The following FLNB variants were observed in gnomAD, a reference collection of about 807,000 sequenced individuals.
FLNB encodes filamin B, also known as filamin-B.
FLNB carries 111 observed loss-of-function variants against 250.6 expected under a neutral mutation model. The ratio of observed to expected loss-of-function variants is 0.44; its 90% CI spans 0.38 to 0.52. FLNB has a LOEUF of 0.52. FLNB is among the 20% of genes least tolerant of loss of function. FLNB has a pLI of 0.00. For missense variants in FLNB, 2,869 were observed against 3,447.8 expected (o/e 0.83, Z 4.20); for synonymous variants, 1,302 against 1,372.1 (o/e 0.95, Z 1.13).
At chr3:58,165,754 A>AAT (rs1269558607) in intron 43 of FLNB, 1 of 152,112 alleles carries the variant, frequency 6.6e-6, no homozygotes, top group Non-Finnish European at 1.5e-5. Flanking sequence ...TCCTAATGAA[A>AAT]TGGTCCAGGA....
At chr3:58,104,121 G>A (rs761089849) in intron 10 of FLNB, 36 bp downstream of exon 10, 1 of 1,612,146 alleles carries the variant, frequency 6.2e-7, no homozygotes, top group African/African-American at 1.3e-5. Context: ...TTCTCTGGAG[G>A]GTGCTCGGCC....
At chr3:58,051,372 C>G (rs533265136) in intron 1 of FLNB, among the ~76,000 whole-genome samples, 1 of 152,168 alleles carries the variant, frequency 6.6e-6, no homozygotes, top group Non-Finnish European at 1.5e-5. Flanking sequence ...ACAAGTGGCC[C>G]GCATGTCTGC....
intron 42 of FLNB, among the ~76,000 whole-genome samples, chr3:58,161,804 C>A (rs1249439344): frequency 6.6e-6 from 1 of 152,170 alleles, no homozygotes; most frequent in Non-Finnish European, 1.5e-5. Flanking sequence ...GGCAGGATGG[C>A]TGCAGCAGCA....
Position 58,112,210 on chromosome 3 carries a change from G to T in FLNB, c.2637G>T (p.Pro879=), listed in dbSNP as rs149334776. ...ACACCAAGGGGGCTGGGAAAGCCCC[G>T]CTCAACGTGCAGTTCAACAGCCCTC... ...TVYTKGAGKA[P]LNVQFNSPLP... Residue 879 remains proline, a synonymous_variant, in exon 18 of 46, where the codon CCG becomes CCT. Transcript: ENST00000295956. 5.6e-6 allele frequency: 9 copies of T among 1,614,040 alleles called. No homozygotes were observed. In the East Asian group the frequency reaches 1.6e-4, roughly 28 times the overall value.
intron 1 of FLNB, among the ~76,000 whole-genome samples, chr3:58,050,934 C>T (rs566187783): frequency 2.0e-4 from 30 of 152,356 alleles, no homozygotes; most frequent in African/African-American, 6.3e-4. Flanking sequence ...TTGGGATGCT[C>T]AGGTAACTCA....
chr3:58,169,477 G>A lies in FLNB; in HGVS notation c.7418-113G>A. The A allele has an allele frequency of 3.6e-6, 3 of 824,890 alleles. No individual in the cohort carries two copies. The highest frequency in any genetic ancestry group is 4.3e-6 in the Non-Finnish European group (2 of 469,464). 51.1% of individuals were successfully genotyped at this position (824,890 alleles called of 1,614,324 possible). The stretch of plus-strand genomic sequence containing the variant: ...ATACAGGTGTGGTGGCTTTTGTGTT[G>A]GGGTGCGCGGGCTCTCCTGGGGTTA... On this transcript the variant is annotated intron_variant, in intron 44 of 45. Coordinates refer to ENST00000295956, the MANE Select transcript of FLNB (RefSeq NM_001457.4). This position sits in a 1 kb window ranked among gnomAD's most constrained non-coding sequence, Gnocchi z 4.8.
At chr3:58,084,667 A>G (rs1408103768) in intron 4 of FLNB, among the ~76,000 whole-genome samples, 1 of 152,170 alleles carries the variant, frequency 6.6e-6, no homozygotes, top group Non-Finnish European at 1.5e-5. Context: ...CATTAAGTGT[A>G]TTCACGTTGT....
intron 8 of FLNB, among the ~76,000 whole-genome samples, chr3:58,100,611 G>C (rs1325541357): frequency 2.5e-5 from 2 of 78,536 alleles, no homozygotes; most frequent in Non-Finnish European, 5.2e-5. Context: ...GTTTTGTTTT[G>C]TTTTGAGACA....
chr3:58,008,895 C>T (rs1032675396), intron 1 of FLNB, 39 bp downstream of exon 1: 10 of 1,610,546 alleles, frequency 6.2e-6, no homozygotes, highest in Non-Finnish European at 7.6e-6. Flanking sequence ...CACTGTGGTG[C>T]CGACCCGCCC....
intron 1 of FLNB, among the ~76,000 whole-genome samples, chr3:58,065,485 C>T (rs1242475384): frequency 6.6e-6 from 1 of 152,224 alleles, no homozygotes; most frequent in Non-Finnish European, 1.5e-5. Context: ...GTTGGCTTCA[C>T]CTCTGTGGGC....
intron 8 of FLNB, among the ~76,000 whole-genome samples, chr3:58,100,371 A>ATATATATATATATATATATATAT (rs1273706014): frequency 4.0e-4 from 10 of 25,248 alleles, no homozygotes; most frequent in South Asian, 2.1e-3. Context: ...ATGTAAAAAA[A>ATATATATATATATATATATATAT]AAATATATAT....
intron 18 of FLNB, among the ~76,000 whole-genome samples, chr3:58,114,656 A>G (rs1165225264): frequency 1.3e-5 from 2 of 150,890 alleles, no homozygotes; most frequent in Non-Finnish European, 2.9e-5. Flanking sequence ...TGCCAACAGC[A>G]TGCAAGGGTC....
chr3:58,109,553 G>T, intron 14 of FLNB, 23 bp from the exon 15 acceptor site: 2 of 1,614,120 alleles, frequency 1.2e-6, no homozygotes, highest in South Asian at 2.2e-5. Context: ...AGAACTTGAT[G>T]ACCTTCTCCA....
At chr3:58,050,307 C>T (rs1050862863) in intron 1 of FLNB, among the ~76,000 whole-genome samples, 2 of 152,144 alleles carry the variant, frequency 1.3e-5, no homozygotes, top group East Asian at 1.9e-4. Flanking sequence ...GGATTACAGG[C>T]GTGAGCCACC....
chr3:58,043,615 A>G (rs2097149378), intron 1 of FLNB, among the ~76,000 whole-genome samples: 1 of 152,066 alleles, frequency 6.6e-6, no homozygotes, highest in Non-Finnish European at 1.5e-5. Flanking sequence ...AGTCTGCTTC[A>G]TTCATTTTGG....
intron 4 of FLNB, among the ~76,000 whole-genome samples, chr3:58,087,775 T>C (rs936000720): frequency 1.9e-4 from 27 of 143,316 alleles, no homozygotes; most frequent in African/African-American, 6.8e-4. Context: ...AGTTTCGCTC[T>C]TGTTGCCCAG....
chr3:58,100,582 T>C (rs902230965), intron 8 of FLNB, among the ~76,000 whole-genome samples: 3 of 140,178 alleles, frequency 2.1e-5, no homozygotes, highest in African/African-American at 5.6e-5. Context: ...TTTTTCTTTT[T>C]CTTTTTCTTT....
chr3:58,071,240 C>T (rs1271913064), intron 1 of FLNB, among the ~76,000 whole-genome samples: 4 of 150,230 alleles, frequency 2.7e-5, no homozygotes, highest in African/African-American at 7.4e-5. Context: ...AGAGATGAAC[C>T]GCCTGGCCTA....
chr3:58,152,501 G>C (rs2097346736), intron 38 of FLNB, among the ~76,000 whole-genome samples: 1 of 152,046 alleles, frequency 6.6e-6, no homozygotes, highest in African/African-American at 2.4e-5. Context: ...CAGCTGTCTG[G>C]GACTCTTACA....
Sources: allele counts gnomAD v4.1 joint callset (sites outside exome capture counted in the v4.1 genomes callset), GRCh38; gene constraint gnomAD v4.1.1; non-coding constraint Gnocchi (gnomAD v3.1); transcripts MANE v1.5; gene names NCBI Gene and HGNC (gene_info 2026-07-23, HGNC 2026-07-21).